CCL28: variants seen among roughly 807,000 people sequenced by gnomAD.
CCL28 encodes the protein C-C motif chemokine ligand 28.
In CCL28, 4 loss-of-function variants were observed where a neutral mutation model predicts 7.1. That is an observed-to-expected ratio of 0.56 (90% CI 0.28 to 1.29). CCL28 has a LOEUF of 1.29. CCL28 is among the 50% of genes most tolerant of loss of function. The pLI, the probability that CCL28 is intolerant of heterozygous loss-of-function variation, is 0.11. For synonymous variants in CCL28, 55 were observed against 57.8 expected (o/e 0.95, Z 0.22); for missense variants, 151 against 163.4 (o/e 0.92, Z 0.41).
intron 1 of CCL28, among the ~76,000 whole-genome samples, chr5:43,404,144 A>G (rs1449631390): frequency 6.6e-6 from 1 of 152,232 alleles, no homozygotes; most frequent in African/African-American, 2.4e-5. Context: ...ATTCAAATTC[A>G]GGAAATACAG....
chr5:43,393,138 A>G (rs1412111561), intron 1 of CCL28, among the ~76,000 whole-genome samples: 1 of 152,206 alleles, frequency 6.6e-6, no homozygotes, highest in Admixed American at 6.5e-5. Flanking sequence ...CTCCATTTAC[A>G]AAGGGCAAAG....
the CCL28 span, among the ~76,000 whole-genome samples, chr5:43,357,227 A>G: frequency 1.4e-3 from 212 of 152,346 alleles, no homozygotes; most frequent in African/African-American, 4.8e-3. Context: ...TTTGCATCAC[A>G]TCTGCTAACA....
chr5:43,398,782 G>A (rs1438388252), intron 1 of CCL28, among the ~76,000 whole-genome samples: 1 of 152,104 alleles, frequency 6.6e-6, no homozygotes, highest in Non-Finnish European at 1.5e-5. Flanking sequence ...CCCGGGAGGT[G>A]GAGGTTGCAG....
chr5:43,385,066 T>G (rs1579725208), intron 2 of CCL28, among the ~76,000 whole-genome samples: 1 of 152,224 alleles, frequency 6.6e-6, no homozygotes, highest in East Asian at 1.9e-4. Context: ...CCGGCTAATT[T>G]TTTTGTATTT....
At chr5:43,359,440 A>G in the CCL28 span, among the ~76,000 whole-genome samples, 1 of 152,226 alleles carries the variant, frequency 6.6e-6, no homozygotes, top group African/African-American at 2.4e-5. Flanking sequence ...CTCTCGTGCT[A>G]TTGTTTGTGG....
downstream of CCL28, among the ~76,000 whole-genome samples, chr5:43,374,695 C>T (rs751200588): frequency 1.3e-5 from 2 of 150,552 alleles, no homozygotes; most frequent in Admixed American, 6.6e-5. Flanking sequence ...GCAGGAGAAT[C>T]GCTTGAACCT....
chr5:43,373,659 T>A (rs984195166), downstream of CCL28, among the ~76,000 whole-genome samples: 4 of 152,116 alleles, frequency 2.6e-5, no homozygotes, highest in South Asian at 6.2e-4. Context: ...AGGGTAACTC[T>A]CCAAGTAAAG....
downstream of CCL28, among the ~76,000 whole-genome samples, chr5:43,378,375 C>T (rs547562277): frequency 6.6e-6 from 1 of 151,920 alleles, no homozygotes; most frequent in Admixed American, 6.5e-5. Flanking sequence ...CAAGATGTTG[C>T]CTCAAGGATA....
intron 1 of CCL28, among the ~76,000 whole-genome samples, chr5:43,407,907 C>T (rs1307576203): frequency 6.6e-6 from 1 of 152,080 alleles, no homozygotes; most frequent in African/African-American, 2.4e-5. Flanking sequence ...CATCACTGGC[C>T]ATCAGAGAAA....
intron 1 of CCL28, among the ~76,000 whole-genome samples, chr5:43,404,303 T>A (rs1741172277): frequency 6.6e-6 from 1 of 152,172 alleles, no homozygotes; most frequent in South Asian, 2.1e-4. Flanking sequence ...GACTAACAGC[T>A]GATCCCTCAG....
chr5:43,405,319 A>C (rs1284873705), intron 1 of CCL28, among the ~76,000 whole-genome samples: 2 of 152,232 alleles, frequency 1.3e-5, no homozygotes, highest in Non-Finnish European at 2.9e-5. Context: ...ATGCAATCAA[A>C]CTAGAACTCA....
downstream of CCL28, among the ~76,000 whole-genome samples, chr5:43,372,951 C>T (rs1274443696): frequency 1.3e-5 from 2 of 150,990 alleles, no homozygotes; most frequent in Non-Finnish European, 3.0e-5. Flanking sequence ...GTTGCACTCA[C>T]CACCACGCCC....
At chr5:43,410,451 C>T (rs1484529672) in intron 1 of CCL28, among the ~76,000 whole-genome samples, 1 of 152,210 alleles carries the variant, frequency 6.6e-6, no homozygotes, top group Non-Finnish European at 1.5e-5. Context: ...GGTAAAGCAT[C>T]GAGACTAACC....
At chr5:43,390,565 C>T (rs1221953735) in intron 1 of CCL28, among the ~76,000 whole-genome samples, 18 of 152,200 alleles carry the variant, frequency 1.2e-4, no homozygotes, top group Non-Finnish European at 5.9e-5. Flanking sequence ...GATGCGTTTC[C>T]CAGCTGGCCT....
rs1740363157 is a variant in CCL28, at chr5:43,386,983, T to C, written c.191+1367A>G. Among the ~76,000 whole-genome samples, 4 of 152,328 alleles carry C rather than the reference T, an allele frequency of 2.6e-5. No homozygotes were observed. The South Asian group carries it at 8.3e-4, about 32-fold the overall frequency. The stretch of plus-strand genomic sequence containing the variant: ...GCATAATTGTTAATTCATAAATATT[T>C]GTTGAATTCACTGAAAGAATAAGGT... On this transcript the variant is annotated intron_variant, in intron 2 of 2. Coordinates refer to ENST00000361115, the MANE Select transcript of CCL28 (RefSeq NM_148672.3).
chr5:43,398,121 A>G (rs1422312377), intron 1 of CCL28, among the ~76,000 whole-genome samples: 2 of 152,238 alleles, frequency 1.3e-5, no homozygotes, highest in African/African-American at 4.8e-5. Context: ...TGCTGCCTGC[A>G]TTGTATCAGT....
At chr5:43,386,960 A>G (rs998940298) in intron 2 of CCL28, among the ~76,000 whole-genome samples, 3 of 152,230 alleles carry the variant, frequency 2.0e-5, no homozygotes, top group Non-Finnish European at 2.9e-5. Context: ...TGCTTGGTGC[A>G]TAATTGTTAA....
chr5:43,389,764 A>T (rs3797152), intron 1 of CCL28, among the ~76,000 whole-genome samples: 1,907 of 152,302 alleles, frequency 0.013, 38 homozygotes, highest in East Asian at 0.084. Context: ...TTAACTATAA[A>T]AAGGCAAGAA....
At chr5:43,412,190 G>C in intron 1 of CCL28, 63 bp downstream of exon 1, 3 of 1,370,806 alleles carry the variant, frequency 2.2e-6, no homozygotes, top group Non-Finnish European at 3.0e-6. Context: ...AATCCTTCCA[G>C]CACAGATTTG....
Sources: gnomAD v4.1 joint callset for allele counts (sites outside exome capture counted in the v4.1 genomes callset) on GRCh38, gnomAD v4.1.1 for gene constraint, MANE v1.5 for transcripts, NCBI Gene and HGNC (gene_info 2026-07-23, HGNC 2026-07-21) for gene names.